Variants in THOC1 observed in about 807,000 individuals in gnomAD.
THOC1 encodes the protein THO complex subunit 1.
THOC1 carries 29 observed loss-of-function variants against 97.3 expected under a neutral mutation model. The observed-to-expected ratio is 0.30, with a 90% CI of 0.22 to 0.41. The LOEUF is 0.41. THOC1 is among the 10% of genes least tolerant of loss of function. THOC1 has a pLI of 1.00. For synonymous variants in THOC1, 255 were observed against 257.0 expected (o/e 0.99, Z 0.07); for missense variants, 529 against 761.9 (o/e 0.69, Z 3.60).
intron 1 of THOC1, 133 bp downstream of exon 1, chr18:267,833 G>A (rs1912829864): frequency 1.1e-6 from 1 of 934,340 alleles, no homozygotes. Flanking sequence ...ACCTCCGACG[G>A]GGCCCGGAGC....
rs1567840057 is a variant in THOC1, at chr18:214,647, A to ATTAG, written c.1949_1952dup (p.Asp652Ter). 9 of 1,612,138 alleles carry ATTAG rather than the reference A, an allele frequency of 5.6e-6. No homozygotes were observed. The highest frequency in any genetic ancestry group is 2.7e-5 in the African/African-American group (2 of 74,890). On this transcript the variant is annotated stop_gained and frameshift_variant, in exon 21 of 21. Transcript: ENST00000261600. LOFTEE classifies it high-confidence loss of function. ...GAAGCTAACTATTTGTCTCATTGTCATTAGTTAGACTTTCTGCAAGGTCAC... is the reference window on the plus strand; with the variant it reads ...GAAGCTAACTATTTGTCTCATTGTCATTAGTTAGTTAGACTTTCTGCAAGGTCAC...
intron 11 of THOC1, among the ~76,000 whole-genome samples, chr18:241,583 G>C (rs1478731836): frequency 6.6e-6 from 1 of 152,164 alleles, no homozygotes; most frequent in African/African-American, 2.4e-5. Context: ...TTTGGTCATT[G>C]AGTCTCAGAT....
chr18:235,242 G>T (rs879940997), intron 11 of THOC1, among the ~76,000 whole-genome samples: 2 of 151,728 alleles, frequency 1.3e-5, no homozygotes, highest in African/African-American at 4.8e-5. Context: ...TTGTTTGCTG[G>T]TATCTTTTCA....
At chr18:234,705 T>C (rs1197868553) in intron 11 of THOC1, among the ~76,000 whole-genome samples, 2 of 152,264 alleles carry the variant, frequency 1.3e-5, no homozygotes, top group East Asian at 1.9e-4. Context: ...TCTGGCATTA[T>C]ATTCATCTTT....
intron 11 of THOC1, among the ~76,000 whole-genome samples, chr18:233,781 G>A (rs1270983766): frequency 2.0e-5 from 3 of 152,080 alleles, no homozygotes; most frequent in South Asian, 2.1e-4. Flanking sequence ...AAGTGTTCCC[G>A]CTTTCTTCAT....
intron 9 of THOC1, among the ~76,000 whole-genome samples, chr18:249,183 T>C (rs1011822805): frequency 1.3e-5 from 2 of 152,212 alleles, no homozygotes; most frequent in Non-Finnish European, 2.9e-5. Context: ...GCTTTCATCA[T>C]GAATTAGTAG....
At chr18:265,564 A>G in intron 1 of THOC1, 34 bp from the exon 2 acceptor site, 1 of 1,493,220 alleles carries the variant, frequency 6.7e-7, no homozygotes. Context: ...ATAATTGTAA[A>G]GATTTTGCTT....
intron 7 of THOC1, among the ~76,000 whole-genome samples, chr18:255,210 A>G (rs540414368): frequency 6.6e-6 from 1 of 152,340 alleles, no homozygotes; most frequent in East Asian, 1.9e-4. Flanking sequence ...TAAAAGGATG[A>G]GTCTCACATT....
intron 12 of THOC1, chr18:225,672 G>T: frequency 2.8e-6 from 1 of 354,950 alleles, no homozygotes; most frequent in Non-Finnish European, 5.0e-6. Flanking sequence ...AGCAATATAT[G>T]TTTCCTAAAA....
rs200831174 is a variant in THOC1, at chr18:241,166, T to TA, written c.918+5157dup. Among the ~76,000 whole-genome samples, 941 of 147,338 alleles carry TA rather than the reference T, an allele frequency of 6.4e-3. 5 individuals are homozygous for TA. Among genetic ancestry groups the TA allele is most frequent in the African/African-American group, 0.017 (691 of 40,464 alleles). On this transcript the variant is annotated intron_variant, in intron 11 of 20. Transcript: ENST00000261600. ...CCCATGCCGAGAACAACTAATGAGATAAAAAAAAAAATTGTAGCATAGTGG... is the reference window on the plus strand; with the variant it reads ...CCCATGCCGAGAACAACTAATGAGATAAAAAAAAAAAATTGTAGCATAGTGG...
intron 4 of THOC1, among the ~76,000 whole-genome samples, chr18:261,687 T>C (rs1912610514): frequency 6.6e-6 from 1 of 152,210 alleles, no homozygotes; most frequent in South Asian, 2.1e-4. Flanking sequence ...TTCAATGATA[T>C]TATATACCCT....
At chr18:223,810 T>C (rs1216273164) in intron 16 of THOC1, among the ~76,000 whole-genome samples, 1 of 152,152 alleles carries the variant, frequency 6.6e-6, no homozygotes, top group African/African-American at 2.4e-5. Flanking sequence ...TTATGGTACC[T>C]TGCAACAACT....
intron 11 of THOC1, among the ~76,000 whole-genome samples, chr18:229,353 T>C (rs1301065453): frequency 2.0e-5 from 3 of 152,200 alleles, no homozygotes; most frequent in African/African-American, 7.2e-5. Context: ...CTCAACCTGC[T>C]ATCATCTGAC....
At chr18:241,400 C>T (rs1911896292) in intron 11 of THOC1, among the ~76,000 whole-genome samples, 1 of 152,024 alleles carries the variant, frequency 6.6e-6, no homozygotes, top group Admixed American at 6.6e-5. Flanking sequence ...TAAAAAATGA[C>T]CAAAAGTCCT....
chr18:244,734 T>C (rs1912029827), intron 11 of THOC1: 1 of 152,198 alleles, frequency 6.6e-6, no homozygotes, highest in African/African-American at 2.4e-5. Flanking sequence ...GGATTTGAGA[T>C]TTCCTTCAAT....
chr18:236,035 T>C (rs1911670078), intron 11 of THOC1, among the ~76,000 whole-genome samples: 1 of 152,224 alleles, frequency 6.6e-6, no homozygotes, highest in Admixed American at 6.5e-5. Flanking sequence ...TGGTGGTTCA[T>C]TCCTTTATTA....
intron 11 of THOC1, 85 bp from the exon 12 acceptor site, chr18:226,986 A>C: frequency 9.7e-7 from 1 of 1,029,384 alleles, no homozygotes; most frequent in Non-Finnish European, 1.4e-6. Flanking sequence ...CTAATATAGA[A>C]ATGGAAGATT....
At chr18:238,750 C>T (rs1189373126) in intron 11 of THOC1, among the ~76,000 whole-genome samples, 1 of 152,184 alleles carries the variant, frequency 6.6e-6, no homozygotes, top group Non-Finnish European at 1.5e-5. Flanking sequence ...CATGACTGTA[C>T]TGTGAAGTAG....
At chr18:255,283 C>T (rs1230086034) in intron 7 of THOC1, among the ~76,000 whole-genome samples, 2 of 152,158 alleles carry the variant, frequency 1.3e-5, no homozygotes, top group South Asian at 2.1e-4. Flanking sequence ...TCAAAAGCCA[C>T]GACAGGCTGA....
Sources: gnomAD v4.1 joint callset for allele counts (sites outside exome capture counted in the v4.1 genomes callset) on GRCh38, gnomAD v4.1.1 for gene constraint, MANE v1.5 for transcripts, NCBI Gene and HGNC (gene_info 2026-07-23, HGNC 2026-07-21) for gene names.